Variants in ME1 observed in about 807,000 individuals in gnomAD.
ME1 encodes NADP-dependent malic enzyme.
In ME1, 74 loss-of-function variants were observed where a neutral mutation model predicts 66.4. The ratio of observed to expected loss-of-function variants is 1.11; its 90% CI spans 0.92 to 1.35. The LOEUF is 1.35. Ranked by LOEUF, ME1 falls within the 40% of genes most tolerant of loss-of-function variation. The pLI is 0.00. For synonymous variants in ME1, 251 were observed against 235.6 expected (o/e 1.07, Z -0.60); for missense variants, 750 against 694.1 (o/e 1.08, Z -0.90).
At chr6:83,334,120 G>A (rs541082798) in intron 5 of ME1, among the ~76,000 whole-genome samples, 38 of 152,254 alleles carry the variant, frequency 2.5e-4, no homozygotes, top group Admixed American at 1.5e-3. Flanking sequence ...CACCGTGCGC[G>A]AGCCGAAGCA....
At position 83,212,948 on chromosome 6, in the gene ME1, T is replaced by A. The variant is rs192126013; in HGVS notation, c.1549-854A>T. On this transcript the variant is annotated intron_variant, in intron 13 of 13. Coordinates refer to ENST00000369705, the MANE Select transcript of ME1 (RefSeq NM_002395.6). ...AACTCAGACTATCTCCTCAGTGTCT[T>A]CATACATCTTCTCTTTCCCTACTTT... Among the ~76,000 whole-genome samples the A allele has an allele frequency of 2.0e-3, 308 of 152,038 alleles. 2 individuals carry two copies. The highest frequency in any genetic ancestry group is 6.3e-3 in the African/African-American group (262 of 41,466).
chr6:83,229,118 G>A, intron 9 of ME1, 187 bp from the exon 10 acceptor site: 1 of 611,788 alleles, frequency 1.6e-6, no homozygotes, highest in Non-Finnish European at 2.9e-6. Flanking sequence ...ATATTTATAT[G>A]TCAATGTTCT....
At chr6:83,260,620 C>T (rs1344935903) in intron 6 of ME1, among the ~76,000 whole-genome samples, 1 of 152,146 alleles carries the variant, frequency 6.6e-6, no homozygotes, top group Non-Finnish European at 1.5e-5. Context: ...ACACTAGGCC[C>T]CAGTGTCTGT....
intron 7 of ME1, among the ~76,000 whole-genome samples, chr6:83,251,677 A>G (rs1321828641): frequency 6.6e-6 from 1 of 152,158 alleles, no homozygotes; most frequent in Admixed American, 6.6e-5. Flanking sequence ...CTAGGATGAG[A>G]GATCAACATT....
chr6:83,430,962 G>T lies in ME1; in HGVS notation c.-8C>A, dbSNP rs984586645. The T allele has an allele frequency of 3.2e-6, 5 of 1,546,334 alleles. No homozygotes were observed. Among genetic ancestry groups the T allele is most frequent in the Admixed American group, 4.0e-5 (2 of 50,188 alleles). ...GGGGGCTTCGGGCTCCATGGCTGGC[G>T]CCGGGTTCGGCGGCGGGGTCAGGCC... is the stretch of plus-strand genomic sequence containing the variant. On this transcript the variant is annotated 5_prime_UTR_variant, in exon 1 of 14. Coordinates refer to ENST00000369705, the MANE Select transcript of ME1 (RefSeq NM_002395.6).
intron 3 of ME1, among the ~76,000 whole-genome samples, chr6:83,373,669 G>A (rs554708488): frequency 1.3e-5 from 2 of 152,178 alleles, no homozygotes; most frequent in South Asian, 4.2e-4. Context: ...TTGTTACATA[G>A]GTAAATGTGT....
intron 7 of ME1, among the ~76,000 whole-genome samples, chr6:83,252,780 AG>A (rs2128528117): frequency 6.6e-6 from 1 of 152,318 alleles, no homozygotes; most frequent in Admixed American, 6.5e-5. Flanking sequence ...ATAGCTAGAC[AG>A]GAAAGGATGA....
At chr6:83,262,848 T>C (rs1766923356) in intron 6 of ME1, among the ~76,000 whole-genome samples, 1 of 152,208 alleles carries the variant, frequency 6.6e-6, no homozygotes, top group African/African-American at 2.4e-5. Flanking sequence ...AGATACCTTC[T>C]ATCTTATTTC....
At chr6:83,285,891 G>A (rs1767388108) in intron 6 of ME1, among the ~76,000 whole-genome samples, 1 of 152,156 alleles carries the variant, frequency 6.6e-6, no homozygotes, top group Non-Finnish European at 1.5e-5. Context: ...CTGAATAACC[G>A]AGTTTTCCAT....
chr6:83,346,370 T>C (rs1320536782), intron 4 of ME1, 36 bp from the exon 5 acceptor site: 1 of 1,506,338 alleles, frequency 6.6e-7, no homozygotes, highest in Non-Finnish European at 9.0e-7. Context: ...TTAACAAGTT[T>C]TCACAAATCC....
At chr6:83,319,418 T>C (rs916970962) in intron 5 of ME1, among the ~76,000 whole-genome samples, 6 of 152,054 alleles carry the variant, frequency 3.9e-5, no homozygotes, top group Admixed American at 3.9e-4. Flanking sequence ...AGGAGGCCTA[T>C]TTTGAAAGAA....
intron 3 of ME1, among the ~76,000 whole-genome samples, chr6:83,356,102 T>C (rs1768884575): frequency 6.6e-6 from 1 of 152,150 alleles, no homozygotes; most frequent in Non-Finnish European, 1.5e-5. Context: ...AAAAGTTTAT[T>C]TCGTATCAAG....
intron 3 of ME1, among the ~76,000 whole-genome samples, chr6:83,357,959 A>C (rs1267725143): frequency 1.4e-3 from 172 of 120,004 alleles, no homozygotes; most frequent in Middle Eastern, 4.7e-3. Context: ...ATATATATAT[A>C]TATATATATA....
intron 6 of ME1, among the ~76,000 whole-genome samples, chr6:83,282,248 G>C (rs1175870251): frequency 6.6e-6 from 1 of 152,112 alleles, no homozygotes; most frequent in African/African-American, 2.4e-5. Flanking sequence ...TGCAATGAAA[G>C]CAAAATTGAC....
intron 3 of ME1, among the ~76,000 whole-genome samples, chr6:83,372,643 C>A (rs1047433447): frequency 6.6e-6 from 1 of 152,156 alleles, no homozygotes; most frequent in Non-Finnish European, 1.5e-5. Context: ...GTAACTTACA[C>A]GACCAGGTAA....
At chr6:83,386,729 G>A (rs1349100502) in intron 3 of ME1, among the ~76,000 whole-genome samples, 2 of 151,900 alleles carry the variant, frequency 1.3e-5, no homozygotes, top group African/African-American at 4.8e-5. Context: ...TTGAAATCCT[G>A]ACCCCCAATA....
At chr6:83,406,499 G>A (rs570123356) in intron 2 of ME1, among the ~76,000 whole-genome samples, 1 of 152,156 alleles carries the variant, frequency 6.6e-6, no homozygotes, top group East Asian at 1.9e-4. Flanking sequence ...TCTTTTTAGA[G>A]TACTAATCCC....
chr6:83,297,826 T>C (rs1281498702), intron 6 of ME1, among the ~76,000 whole-genome samples: 1 of 151,642 alleles, frequency 6.6e-6, no homozygotes, highest in African/African-American at 2.4e-5. Flanking sequence ...ACTTATGAGT[T>C]CCTGTGTAAG....
chr6:83,249,259 T>C (rs1371236073), intron 7 of ME1, among the ~76,000 whole-genome samples: 2 of 152,040 alleles, frequency 1.3e-5, no homozygotes, highest in Non-Finnish European at 2.9e-5. Flanking sequence ...TTCTTTTTTT[T>C]TGAGATGGAG....
Sources: allele counts gnomAD v4.1 joint callset (sites outside exome capture counted in the v4.1 genomes callset), GRCh38; gene constraint gnomAD v4.1.1; transcripts MANE v1.5; gene names NCBI Gene and HGNC (gene_info 2026-07-23, HGNC 2026-07-21).